Variants in CROCC observed in about 807,000 individuals in gnomAD.
CROCC encodes ciliary rootlet coiled-coil, rootletin.
Under a neutral mutation model 245.2 loss-of-function variants are expected in CROCC, and 180 were observed. That is an observed-to-expected ratio of 0.73 (90% confidence interval 0.65 to 0.83). The LOEUF (loss-of-function observed/expected upper bound fraction) is 0.83, where lower values mean the gene tolerates loss of function less well. CROCC is among the 40% of genes least tolerant of loss of function. The pLI is 0.00. For missense variants in CROCC, 2,688 were observed against 2,779.4 expected, an observed-to-expected ratio of 0.97 and a Z score of 0.74; for synonymous variants, 1,205 against 1,241.6, an observed-to-expected ratio of 0.97 and a Z score of 0.62.
At chr1:16,926,079 G>A (rs1051026283) in intron 3 of CROCC, among the ~76,000 whole-genome samples, 7 of 152,276 alleles carry the variant, frequency 4.6e-5, no homozygotes, top group Non-Finnish European at 7.3e-5. Context: ...CTGGGGCTGG[G>A]ACTGCAGCAC....
chr1:16,946,522 T>C, intron 16 of CROCC, 117 bp downstream of exon 16: 2 of 1,413,682 alleles, frequency 1.4e-6, no homozygotes, highest in Non-Finnish European at 9.7e-7. Flanking sequence ...CTGTCCCTGG[T>C]TCTCTGTCTG....
At chr1:16,937,487 G>A (rs1259806563) in intron 9 of CROCC, among the ~76,000 whole-genome samples, 154 bp from the exon 10 acceptor site, 1 of 152,278 alleles carries the variant, frequency 6.6e-6, no homozygotes, top group Non-Finnish European at 1.5e-5. Flanking sequence ...GTGAGATCTG[G>A]AGAGGAGCCG....
At position 16,966,621 on chromosome 1, in the gene CROCC, A is replaced by G; in HGVS notation, c.4860+50A>G. The G allele has an allele frequency of 2.8e-6, 4 of 1,437,828 alleles. No individual in the cohort carries two copies. The highest frequency in any genetic ancestry group is 3.6e-6 in the Non-Finnish European group (4 of 1,097,308). 89.1% of individuals were successfully genotyped at this position (1,437,828 alleles called of 1,614,324 possible). A position where few individuals can be genotyped will look rare whatever the true frequency, so the allele number is the denominator to read the frequency against. Reference sequence around the variant, plus strand: ...GGGCGACGGGGAATCTGTGTACCCGAGTGAGTGTCTAACTCTTATGTGTGT... The same window carrying G: ...GGGCGACGGGGAATCTGTGTACCCGGGTGAGTGTCTAACTCTTATGTGTGT... On this transcript the variant is annotated intron_variant, in intron 30 of 36. Transcript: ENST00000375541. The surrounding 1 kb of genome is among the most constrained non-coding windows in gnomAD (Gnocchi z 4.8).
chr1:16,927,108 C>CAG (rs146779550), intron 3 of CROCC, among the ~76,000 whole-genome samples: 14,555 of 149,520 alleles, frequency 0.097, 123 homozygotes, highest in African/African-American at 0.14. Context: ...GGGCCCCACA[C>CAG]AGACACACAG....
intron 33 of CROCC, 148 bp downstream of exon 33, chr1:16,970,082 T>G (rs2076489464): frequency 8.0e-7 from 1 of 1,244,176 alleles, no homozygotes; most frequent in Non-Finnish European, 1.1e-6. Flanking sequence ...AGTCCTGTTA[T>G]ACAGATGGAG....
intron 13 of CROCC, among the ~76,000 whole-genome samples, chr1:16,943,677 CT>C (rs2075983061): frequency 6.6e-6 from 1 of 152,294 alleles, no homozygotes; most frequent in Non-Finnish European, 1.5e-5. Context: ...CACCATGTGC[CT>C]GTGTAGCAGG....
At chr1:16,949,957 C>T (rs1383255805) in intron 19 of CROCC, among the ~76,000 whole-genome samples, 2 of 149,458 alleles carry the variant, frequency 1.3e-5, no homozygotes, top group Non-Finnish European at 3.0e-5. Flanking sequence ...TTAGTAGAGA[C>T]GGGGTTTCGC....
Position 16,943,754 on chromosome 1 carries a change from AG to A in CROCC, c.1809-342del, listed in dbSNP as rs558728068. Among the ~76,000 whole-genome samples the A allele has an allele frequency of 3.1e-4, 47 of 152,368 alleles. No individual in the cohort carries two copies. In the South Asian group the frequency reaches 9.5e-3, roughly 31 times the overall value. ...AGAATTGAGGGGCATGGGGTGTTATAGGGGACATTTCCTGGTCACATGGCCT... is the reference window on the plus strand; with the variant it reads ...AGAATTGAGGGGCATGGGGTGTTATAGGGACATTTCCTGGTCACATGGCCT... On this transcript the variant is annotated intron_variant, in intron 13 of 36. Transcript: ENST00000375541.
At chr1:16,941,696 C>A (rs939051430) in intron 13 of CROCC, among the ~76,000 whole-genome samples, 16 of 151,506 alleles carry the variant, frequency 1.1e-4, no homozygotes, top group East Asian at 1.9e-4. Context: ...GGCGCCACTG[C>A]ACTCCAGCCT....
rs1157687000 is a variant in CROCC, at chr1:16,951,028, A to G, written c.2912A>G (p.Gln971Arg). The G allele has an allele frequency of 6.2e-7, 1 of 1,607,676 alleles. No individual in the cohort carries two copies. The highest frequency in any genetic ancestry group is 1.1e-5 in the South Asian group (1 of 89,980). Residue 971 changes from glutamine to arginine, a missense_variant, in exon 20 of 37, where the codon CAG (glutamine) becomes CGG (arginine). Physicochemically the swap from Gln to Arg is conservative, Grantham distance 43 (BLOSUM62 1). Around this residue, in one of 9 missense-constraint regions of CROCC, gnomAD observed 106 missense variants for 126.1 expected, o/e 0.84. Coordinates refer to ENST00000375541, the MANE Select transcript of CROCC (RefSeq NM_014675.5). Reference protein sequence around the residue: ...KASLDKELMAQKLVQAEREAQ... With the variant: ...KASLDKELMARKLVQAEREAQ... ...AGTCTAGACAAGGAGCTGATGGCCC[A>G]GAAGCTGGTGCAGGCTGAGCGGGAG... is the stretch of plus-strand genomic sequence containing the variant.
chr1:16,969,130 G>A lies in CROCC; in HGVS notation c.5091G>A (p.Glu1697=), dbSNP rs1447644546. 1 of 1,604,094 alleles carries A rather than the reference G, an allele frequency of 6.2e-7. No homozygotes were observed. The highest frequency in any genetic ancestry group is 8.5e-7 in the Non-Finnish European group (1 of 1,176,056). Residue 1697 remains glutamate, a synonymous_variant, in exon 32 of 37, where the codon GAG becomes GAA. Coordinates refer to ENST00000375541, the MANE Select transcript of CROCC (RefSeq NM_014675.5). The part of the protein sequence containing the change: ...DSLQRQVADS[E]VKAGTLQLTV... ...CCTCCTGCCAGGTGGCCGACAGCGAGGTGAAGGCAGGGACCCTGCAGCTGA... is the reference window on the plus strand; with the variant it reads ...CCTCCTGCCAGGTGGCCGACAGCGAAGTGAAGGCAGGGACCCTGCAGCTGA...
chr1:16,935,691 T>C (rs1182421427), intron 8 of CROCC, among the ~76,000 whole-genome samples: 1 of 152,298 alleles, frequency 6.6e-6, no homozygotes, highest in Non-Finnish European at 1.5e-5. Context: ...CCCAAAGTGC[T>C]GGGATTACAG....
At position 16,948,443 on chromosome 1, in the gene CROCC, A is replaced by G. The variant is rs1353060719; in HGVS notation, c.2627A>G (p.Lys876Arg). 2 of 1,565,986 alleles carry G rather than the reference A, an allele frequency of 1.3e-6. No homozygotes were observed. The highest frequency in any genetic ancestry group is 2.7e-5 in the African/African-American group (2 of 74,158). ...GCCCGTGAGAAGGAGGCGCTAGCCA[A>G]GGAGCACGCTGGCCTGGCTGTGCAG... ...RAAREKEALA[K>R]EHAGLAVQLV... is the part of the protein sequence containing the mutation. Residue 876 changes from lysine to arginine, a missense_variant, in exon 18 of 37, where the codon AAG becomes AGG. This residue lies in a region of CROCC where 295 missense variants were observed against 241.7 expected (regional missense o/e 1.22). Transcript: ENST00000375541.
In CROCC at chr1:16,944,152, G is replaced by A; in HGVS notation, c.1861G>A (p.Glu621Lys). 6.4e-7 allele frequency: 1 copy of A among 1,560,192 alleles called. No homozygotes were observed. Among genetic ancestry groups the A allele is most frequent in the East Asian group, 2.3e-5 (1 of 42,648 alleles). ...SLQVAQQQAE[E>K]LRQEREKLQA... ...GCAGGTGGCCCAGCAGCAGGCCGAG[G>A]AGCTGCGGCAGGAGCGGGAGAAGCT... The change falls in exon 14 of 37, where the codon GAG becomes AAG. Residue 621 changes from glutamate (E) to lysine (K), a missense_variant. Physicochemically the swap from Glu to Lys is moderately conservative, Grantham distance 56. Around this residue, in one of 9 missense-constraint regions of CROCC, gnomAD observed 972 missense variants for 895.3 expected, o/e 1.09. Transcript: ENST00000375541.
At chr1:16,929,636 C>T (rs1330608575) in intron 3 of CROCC, among the ~76,000 whole-genome samples, 1 of 152,282 alleles carries the variant, frequency 6.6e-6, no homozygotes, top group Non-Finnish European at 1.5e-5. Context: ...TGTGTCCATG[C>T]ATGCCCCGTC....
chr1:16,948,303 T>G (rs1424452465), intron 17 of CROCC, 28 bp from the exon 18 acceptor site: 1 of 1,530,970 alleles, frequency 6.5e-7, no homozygotes, highest in East Asian at 2.3e-5. Flanking sequence ...ACGCTGGGAG[T>G]GCTACTCAGT....
rs1190665164 is a variant in CROCC at position 16,930,386 on chromosome 1, G to T, written c.683+39G>T. The T allele has an allele frequency of 3.7e-6, 6 of 1,611,034 alleles. No homozygotes were observed. The South Asian group carries it at 6.6e-5, about 18-fold the overall frequency. ...AGGGAGGGCCAGGGCTGGCAGGATGGCCCCCTGCGCGAGCGCCTACTGATC... is the reference window on the plus strand; with the variant it reads ...AGGGAGGGCCAGGGCTGGCAGGATGTCCCCCTGCGCGAGCGCCTACTGATC... On this transcript the variant is annotated intron_variant, in intron 6 of 36. Coordinates refer to ENST00000375541, the MANE Select transcript of CROCC (RefSeq NM_014675.5).
At chr1:16,930,629 C>G in intron 7 of CROCC, 35 bp downstream of exon 7, 8 of 1,583,628 alleles carry the variant, frequency 5.1e-6, no homozygotes, top group Non-Finnish European at 6.9e-6. Flanking sequence ...CAGCCTGACC[C>G]AAGAGGAAGG....
intron 12 of CROCC, among the ~76,000 whole-genome samples, 189 bp downstream of exon 12, chr1:16,939,331 C>T (rs1406641746): frequency 4.6e-5 from 7 of 152,272 alleles, no homozygotes; most frequent in African/African-American, 9.6e-5. Context: ...AGGAGGTGGC[C>T]GAGAGCTCTG....
Sources: allele counts gnomAD v4.1 joint callset (sites outside exome capture counted in the v4.1 genomes callset), GRCh38; gene constraint gnomAD v4.1.1; regional missense constraint gnomAD v4.1.1; non-coding constraint Gnocchi (gnomAD v3.1); transcripts MANE v1.5; gene names NCBI Gene and HGNC (gene_info 2026-07-23, HGNC 2026-07-21).